HECW1: variants seen among roughly 807,000 people sequenced by gnomAD.
HECW1 encodes E3 ubiquitin-protein ligase HECW1.
Under a neutral mutation model 182.3 loss-of-function variants are expected in HECW1, and 61 were observed. That is an observed-to-expected ratio of 0.33 (90% confidence interval 0.27 to 0.41). The LOEUF (loss-of-function observed/expected upper bound fraction) is 0.41. Ranked by LOEUF, HECW1 falls within the 10% of genes least tolerant of loss-of-function variation. The pLI is 1.00. For missense variants in HECW1, 1,739 were observed against 2,108.9 expected (o/e 0.82, Z 3.44); for synonymous variants, 859 against 832.6 (o/e 1.03, Z -0.55).
intron 5 of HECW1, among the ~76,000 whole-genome samples, chr7:43,356,712 A>C (rs1450704085): frequency 1.3e-5 from 2 of 152,234 alleles, no homozygotes; most frequent in Non-Finnish European, 2.9e-5. Flanking sequence ...CCACAAAAGG[A>C]ATAAAACAAA....
chr7:43,547,956 A>C (rs980628632), intron 26 of HECW1, among the ~76,000 whole-genome samples: 23 of 152,388 alleles, frequency 1.5e-4, no homozygotes, highest in Admixed American at 5.9e-4. Flanking sequence ...GCTATTCATC[A>C]GCAACACTTG....
intron 2 of HECW1, among the ~76,000 whole-genome samples, chr7:43,124,512 T>A (rs577398246): frequency 1.3e-5 from 2 of 152,310 alleles, no homozygotes; most frequent in East Asian, 3.9e-4. Flanking sequence ...GTGAAACACG[T>A]TGTGAGCACA....
intron 2 of HECW1, among the ~76,000 whole-genome samples, chr7:43,186,049 A>G (rs1211170766): frequency 6.6e-6 from 1 of 152,154 alleles, no homozygotes; most frequent in Non-Finnish European, 1.5e-5. Flanking sequence ...GTCCTGGATA[A>G]CAGGTGGTTT....
chr7:43,344,031 G>A (rs1584554019), intron 5 of HECW1, among the ~76,000 whole-genome samples: 2 of 151,852 alleles, frequency 1.3e-5, no homozygotes, highest in Admixed American at 6.5e-5. Flanking sequence ...TTCTTCGTGT[G>A]TCTGTTGGCT....
At chr7:43,191,578 C>T (rs551620959) in intron 2 of HECW1, among the ~76,000 whole-genome samples, 1 of 152,274 alleles carries the variant, frequency 6.6e-6, no homozygotes, top group Admixed American at 6.5e-5. Context: ...CTATTTTTAG[C>T]CTTTCAGGTT....
intron 2 of HECW1, among the ~76,000 whole-genome samples, chr7:43,168,852 T>C (rs1016385239): frequency 1.3e-5 from 2 of 152,144 alleles, no homozygotes; most frequent in Admixed American, 1.3e-4. Flanking sequence ...ACTGACAAGA[T>C]ATGATTCTAC....
intron 23 of HECW1, chr7:43,508,751 A>G (rs1166722517): frequency 3.1e-5 from 17 of 555,368 alleles, no homozygotes; most frequent in Middle Eastern, 4.7e-4. Context: ...GAGTTTATTC[A>G]TGGACATCTG....
At chr7:43,491,864 C>G (rs377225923) in intron 17 of HECW1, among the ~76,000 whole-genome samples, 73 of 152,332 alleles carry the variant, frequency 4.8e-4, no homozygotes, top group African/African-American at 1.7e-3. Context: ...GCTAGGATTA[C>G]AGGCGTGAGC....
chr7:43,140,534 C>T (rs553045011), intron 2 of HECW1, among the ~76,000 whole-genome samples: 17 of 152,310 alleles, frequency 1.1e-4, no homozygotes, highest in African/African-American at 4.1e-4. Context: ...TTCTGGCCTT[C>T]GTGGTCCCTC....
chr7:43,287,049 G>A (rs1427139534), intron 3 of HECW1, among the ~76,000 whole-genome samples: 2 of 152,122 alleles, frequency 1.3e-5, no homozygotes, highest in Admixed American at 6.6e-5. Flanking sequence ...GGTTGGGGGT[G>A]GTGGGGAGGT....
chr7:43,275,931 G>A (rs1022362757), intron 3 of HECW1, among the ~76,000 whole-genome samples: 2 of 152,200 alleles, frequency 1.3e-5, no homozygotes, highest in African/African-American at 4.8e-5. Flanking sequence ...CTAGATTTTT[G>A]TGGTTAAAAT....
chr7:43,379,093 C>A (rs532235165), intron 6 of HECW1, among the ~76,000 whole-genome samples: 1 of 152,098 alleles, frequency 6.6e-6, no homozygotes, highest in Non-Finnish European at 1.5e-5. Context: ...CCTCACCTGG[C>A]AAAACCCCAC....
At chr7:43,124,031 G>A (rs1217128474) in intron 2 of HECW1, among the ~76,000 whole-genome samples, 1 of 152,220 alleles carries the variant, frequency 6.6e-6, no homozygotes, top group Non-Finnish European at 1.5e-5. Context: ...AGTGATTGGG[G>A]GTGGGTAGGA....
At chr7:43,185,133 A>T (rs1319260901) in intron 2 of HECW1, among the ~76,000 whole-genome samples, 1 of 151,732 alleles carries the variant, frequency 6.6e-6, no homozygotes, top group East Asian at 1.9e-4. Flanking sequence ...TCCATTAAAA[A>T]CCCAAAAGGA....
Position 43,445,274 on chromosome 7 carries a change from C to T in HECW1, c.2102C>T (p.Ser701Leu), listed in dbSNP as rs778129593. The T allele has an allele frequency of 6.2e-6, 10 of 1,612,786 alleles. No individual in the cohort carries two copies. Among genetic ancestry groups the T allele is most frequent in the Non-Finnish European group, 8.5e-6 (10 of 1,179,220 alleles). Residue 701 changes from serine to leucine, a missense_variant, in exon 11 of 30, where the codon TCG becomes TTG. Around this residue, in one of 5 missense-constraint regions of HECW1, gnomAD observed 971 missense variants for 1,029.1 expected, o/e 0.94. Coordinates refer to ENST00000395891, the MANE Select transcript of HECW1 (RefSeq NM_015052.5). ...TACAGCAGCTCGTGCTACAGCGCCTCGTGCTACAGCCCCTCCTGCTACAAC... is the reference window on the plus strand; with the variant it reads ...TACAGCAGCTCGTGCTACAGCGCCTTGTGCTACAGCCCCTCCTGCTACAAC... The part of the protein sequence containing the change: ...SCYSSSCYSA[S>L]CYSPSCYNGN...
chr7:43,183,361 C>T (rs1194596396), intron 2 of HECW1, among the ~76,000 whole-genome samples: 2 of 152,136 alleles, frequency 1.3e-5, no homozygotes, highest in East Asian at 1.9e-4. Context: ...TTTTCCTGCT[C>T]CTGCCTGCAG....
rs537794681 is a variant in HECW1 at position 43,207,133 on chromosome 7, G to A, written c.-31-36742G>A. Among the ~76,000 whole-genome samples, 13 of 152,184 alleles carry A rather than the reference G, an allele frequency of 8.5e-5. No homozygotes were observed. The East Asian group carries it at 9.7e-4, about 11-fold the overall frequency. The stretch of plus-strand genomic sequence containing the variant: ...GCGATCTCAGCTCACTGCAACCTCC[G>A]TCTCCTGGGTTCAAGCAATTATCCT... On this transcript the variant is annotated intron_variant, in intron 2 of 29. Coordinates refer to ENST00000395891, the MANE Select transcript of HECW1 (RefSeq NM_015052.5).
intron 3 of HECW1, among the ~76,000 whole-genome samples, chr7:43,306,178 T>C (rs563140993): frequency 3.9e-5 from 6 of 152,358 alleles, no homozygotes; most frequent in African/African-American, 1.4e-4. Flanking sequence ...ATTACAGGCA[T>C]AAGCCACCAT....
At chr7:43,539,386 C>T (rs2081286523) in intron 24 of HECW1, among the ~76,000 whole-genome samples, 1 of 152,134 alleles carries the variant, frequency 6.6e-6, no homozygotes, top group Non-Finnish European at 1.5e-5. Flanking sequence ...TATGTATATC[C>T]AGTCCCAGTA....
Sources: gnomAD v4.1 joint callset for allele counts (sites outside exome capture counted in the v4.1 genomes callset) on GRCh38, gnomAD v4.1.1 for gene constraint, gnomAD v4.1.1 regional missense constraint, MANE v1.5 for transcripts, NCBI Gene and HGNC (gene_info 2026-07-23, HGNC 2026-07-21) for gene names.